The following DTNBP1 variants were observed in gnomAD, a reference collection of about 807,000 sequenced individuals.
DTNBP1 encodes the protein dysbindin.
DTNBP1 carries 35 observed loss-of-function variants against 42.8 expected under a neutral mutation model. The ratio of observed to expected loss-of-function variants is 0.82; its 90% CI spans 0.63 to 1.09. The LOEUF (loss-of-function observed/expected upper bound fraction) is 1.09. Ranked by LOEUF, DTNBP1 falls within the 50% of genes least tolerant of loss-of-function variation. The pLI, the probability that DTNBP1 is intolerant of heterozygous loss-of-function variation, is 0.00. For missense variants in DTNBP1, 457 were observed against 424.2 expected, an observed-to-expected ratio of 1.08 and a Z score of -0.68; for synonymous variants, 171 against 162.2, an observed-to-expected ratio of 1.05 and a Z score of -0.41.
intron 7 of DTNBP1, among the ~76,000 whole-genome samples, chr6:15,576,941 CAGAT>C (rs545885206): frequency 1.4e-3 from 209 of 152,182 alleles, no homozygotes; most frequent in African/African-American, 4.6e-3. Flanking sequence ...CTAGGCCCAA[CAGAT>C]AGAGCAGAGA....
intron 6 of DTNBP1, among the ~76,000 whole-genome samples, chr6:15,610,543 T>G (rs902332572): frequency 6.6e-6 from 1 of 152,206 alleles, no homozygotes; most frequent in Non-Finnish European, 1.5e-5. Context: ...GAGGAAGGCA[T>G]GTCGAAAGCC....
At chr6:15,579,323 T>C (rs756867676) in intron 7 of DTNBP1, among the ~76,000 whole-genome samples, 3 of 152,316 alleles carry the variant, frequency 2.0e-5, no homozygotes, top group African/African-American at 4.8e-5. Context: ...CTCACTCATA[T>C]ATGGAAGCTA....
At chr6:15,635,561 C>A (rs561714885) in intron 4 of DTNBP1, among the ~76,000 whole-genome samples, 4 of 152,292 alleles carry the variant, frequency 2.6e-5, no homozygotes, top group African/African-American at 9.6e-5. Flanking sequence ...TTCCCTCATG[C>A]TCTTTCTAGA....
At chr6:15,550,237 A>C (rs993081016) in intron 7 of DTNBP1, among the ~76,000 whole-genome samples, 1 of 152,210 alleles carries the variant, frequency 6.6e-6, no homozygotes, top group Non-Finnish European at 1.5e-5. Flanking sequence ...TACTGCCTTG[A>C]TTTCAAATTA....
intron 8 of DTNBP1, among the ~76,000 whole-genome samples, chr6:15,532,841 A>G (rs748189170): frequency 3.3e-5 from 5 of 151,070 alleles, no homozygotes; most frequent in Non-Finnish European, 7.4e-5. Flanking sequence ...CTGGGATTAG[A>G]GACACGCGCC....
rs534737271 is a variant in DTNBP1 at position 15,662,916 on chromosome 6, C to A, written c.-47G>T. 3 of 1,599,514 alleles carry A rather than the reference C, an allele frequency of 1.9e-6. No homozygotes were observed. Among genetic ancestry groups the A allele is most frequent in the East Asian group, 2.2e-5 (1 of 44,812 alleles). On this transcript the variant is annotated 5_prime_UTR_variant, in exon 1 of 10. Coordinates refer to ENST00000344537, the MANE Select transcript of DTNBP1 (RefSeq NM_032122.5). ...CTCCTCAGGCCTCGGGCTGCTGCTG[C>A]CTCTGTCGCCCCCTGGGTCCCACGC... is the stretch of plus-strand genomic sequence containing the variant.
chr6:15,625,968 A>G (rs1057315074), intron 5 of DTNBP1, among the ~76,000 whole-genome samples: 1 of 152,188 alleles, frequency 6.6e-6, no homozygotes, highest in African/African-American at 2.4e-5. Context: ...AAGACCCAGA[A>G]TCTCTTTTCC....
At chr6:15,652,702 A>G (rs575666450) in intron 1 of DTNBP1, among the ~76,000 whole-genome samples, 3 of 152,208 alleles carry the variant, frequency 2.0e-5, no homozygotes, top group East Asian at 3.9e-4. Flanking sequence ...ATTGTAGCTT[A>G]CTGTAACCTC....
At chr6:15,649,419 T>C (rs1581435407) in intron 3 of DTNBP1, among the ~76,000 whole-genome samples, 1 of 152,174 alleles carries the variant, frequency 6.6e-6, no homozygotes, top group East Asian at 1.9e-4. Flanking sequence ...AAAAGTACTT[T>C]ATAATTGCAC....
At chr6:15,540,792 C>CT (rs1375548692) in intron 7 of DTNBP1, among the ~76,000 whole-genome samples, 2 of 152,136 alleles carry the variant, frequency 1.3e-5, no homozygotes, top group Non-Finnish European at 2.9e-5. Flanking sequence ...CAGGTGCATG[C>CT]TGCCACTGCC....
intron 3 of DTNBP1, among the ~76,000 whole-genome samples, chr6:15,643,717 C>A (rs895473244): frequency 1.3e-5 from 2 of 152,194 alleles, no homozygotes; most frequent in Non-Finnish European, 2.9e-5. Context: ...GAAATGAAAT[C>A]TTTCCCAGAC....
chr6:15,620,400 C>A (rs1758976658), intron 5 of DTNBP1, among the ~76,000 whole-genome samples: 1 of 152,072 alleles, frequency 6.6e-6, no homozygotes. Context: ...TATGACCTGG[C>A]TGGTCTTGAA....
intron 7 of DTNBP1, among the ~76,000 whole-genome samples, chr6:15,552,007 A>C (rs772193605): frequency 9.2e-5 from 14 of 152,174 alleles, no homozygotes; most frequent in Non-Finnish European, 1.8e-4. Context: ...CCAGCATGCC[A>C]TTCTATGGGC....
In DTNBP1 at chr6:15,559,938, G is replaced by C. The variant is rs114876594; in HGVS notation, c.512-26543C>G. Among the ~76,000 whole-genome samples the C allele has an allele frequency of 4.5e-3, 682 of 152,286 alleles. 5 individuals carry two copies. The highest frequency in any genetic ancestry group is 0.015 in the African/African-American group (639 of 41,550). ...AAAGTTTGTCAAATCCCAAAGCATG[G>C]ATTTTTATGCTACAGGAATAAACTT... On this transcript the variant is annotated intron_variant, in intron 7 of 9. Coordinates refer to ENST00000344537, the MANE Select transcript of DTNBP1 (RefSeq NM_032122.5).
chr6:15,633,585 T>C (rs868333575), intron 4 of DTNBP1, among the ~76,000 whole-genome samples: 1 of 152,218 alleles, frequency 6.6e-6, no homozygotes, highest in Non-Finnish European at 1.5e-5. Context: ...CAAGCATGAA[T>C]GGATGAGGAG....
At chr6:15,523,944 C>T (rs1210441437) in intron 9 of DTNBP1, 1 of 1,287,286 alleles carries the variant, frequency 7.8e-7, no homozygotes, top group South Asian at 1.2e-5. Context: ...TTGACCCAGC[C>T]CAAAGAACTG....
intron 4 of DTNBP1, among the ~76,000 whole-genome samples, chr6:15,635,101 C>T (rs923401841): frequency 3.9e-5 from 6 of 152,088 alleles, no homozygotes; most frequent in African/African-American, 1.4e-4. Flanking sequence ...AAGATCTTCT[C>T]CTCTCCTTTA....
At chr6:15,622,825 T>C (rs1480727039) in intron 5 of DTNBP1, among the ~76,000 whole-genome samples, 1 of 152,228 alleles carries the variant, frequency 6.6e-6, no homozygotes, top group African/African-American at 2.4e-5. Context: ...CTTTGTGCCA[T>C]TTGTTTCAAA....
Position 15,627,467 on chromosome 6 carries a change from A to C in DTNBP1, c.231T>G (p.Asp77Glu), listed in dbSNP as rs1238265151. The change falls in exon 5 of 10, where the codon GAT becomes GAG. Residue 77 changes from aspartate to glutamate, a missense_variant. Physicochemically the swap from Asp to Glu is conservative, Grantham distance 45 (BLOSUM62 2). Coordinates refer to ENST00000344537, the MANE Select transcript of DTNBP1 (RefSeq NM_032122.5). ...KDCASAGELV[D>E]SEVVMLSAHW... ...GCGCAGAAAGCATGACCACCTCGCT[A>C]TCCACCAGCTGCAGCACACAAGAAG... is the stretch of plus-strand genomic sequence containing the variant. 6.2e-7 allele frequency: 1 copy of C among 1,613,784 alleles called. No homozygotes were observed.
Sources: allele counts gnomAD v4.1 joint callset (sites outside exome capture counted in the v4.1 genomes callset), GRCh38; gene constraint gnomAD v4.1.1; transcripts MANE v1.5; gene names NCBI Gene and HGNC (gene_info 2026-07-23, HGNC 2026-07-21).